Variants in KIAA1328 observed in about 807,000 individuals in gnomAD.
KIAA1328 encodes KIAA1328, also known as protein hinderin.
KIAA1328 carries 52 observed loss-of-function variants against 68.1 expected under a neutral mutation model. That is an observed-to-expected ratio of 0.76 (90% CI 0.61 to 0.96). KIAA1328 has a LOEUF of 0.96. Ranked by LOEUF, KIAA1328 falls within the 40% of genes least tolerant of loss-of-function variation. The probability of loss-of-function intolerance (pLI) is 0.00; values close to 1 mark genes in which losing one functional copy is unlikely to be tolerated. For missense variants in KIAA1328, 641 were observed against 677.6 expected (o/e 0.95, Z 0.60); for synonymous variants, 232 against 239.4 (o/e 0.97, Z 0.28).
chr18:37,219,039 G>A (rs576970702), intron 9 of KIAA1328, among the ~76,000 whole-genome samples: 22 of 152,296 alleles, frequency 1.4e-4, no homozygotes, highest in African/African-American at 5.1e-4. Context: ...ATTCCTTTCT[G>A]TTTGTTAGTT....
Position 36,838,660 on chromosome 18 carries a change from A to G in KIAA1328, c.237+3284A>G, listed in dbSNP as rs1469729804. 2.0e-5 allele frequency among the ~76,000 whole-genome samples: 3 copies of G among 151,978 alleles called. No homozygotes were observed. In the East Asian group the frequency reaches 5.8e-4, roughly 29 times the overall value. On this transcript the variant is annotated intron_variant, in intron 3 of 9. Coordinates refer to ENST00000280020, the MANE Select transcript of KIAA1328 (RefSeq NM_020776.3). ...TATTCCTCCTTATTTTTCTGTGTGT[A>G]TGTGTTTAAATATGGCTGCTTTTAA... is the stretch of plus-strand genomic sequence containing the variant.
chr18:37,021,675 C>G (rs532710631), intron 6 of KIAA1328, among the ~76,000 whole-genome samples: 17 of 152,244 alleles, frequency 1.1e-4, no homozygotes, highest in African/African-American at 3.9e-4. Flanking sequence ...GGGGTCTCCT[C>G]TCTTGGCTTT....
At chr18:36,921,516 G>A (rs971855871) in intron 5 of KIAA1328, among the ~76,000 whole-genome samples, 2 of 152,018 alleles carry the variant, frequency 1.3e-5, no homozygotes, top group Non-Finnish European at 2.9e-5. Context: ...CCATTCCTCT[G>A]CCTCAGCCTC....
At chr18:36,837,108 T>G (rs1394186380) in intron 3 of KIAA1328, among the ~76,000 whole-genome samples, 2 of 152,196 alleles carry the variant, frequency 1.3e-5, no homozygotes, top group Non-Finnish European at 2.9e-5. Context: ...TTCTCTTGTG[T>G]ATATACCTAT....
intron 9 of KIAA1328, 39 bp downstream of exon 9, chr18:37,173,120 T>C: frequency 7.1e-7 from 1 of 1,410,008 alleles, no homozygotes. Context: ...ATATTCTCCC[T>C]ATGAGAGCAT....
chr18:37,042,387 C>T (rs1164731563), intron 6 of KIAA1328, among the ~76,000 whole-genome samples: 1 of 152,172 alleles, frequency 6.6e-6, no homozygotes, highest in East Asian at 1.9e-4. Context: ...TTCAGCATTT[C>T]TTATAAAGGC....
intron 5 of KIAA1328, among the ~76,000 whole-genome samples, chr18:36,886,753 G>A (rs2150986411): frequency 6.6e-6 from 1 of 152,262 alleles, no homozygotes; most frequent in South Asian, 2.1e-4. Context: ...TTTATTGGCG[G>A]TATCATCATT....
intron 7 of KIAA1328, among the ~76,000 whole-genome samples, chr18:37,092,445 C>T (rs1270086664): frequency 6.6e-6 from 1 of 151,968 alleles, no homozygotes; most frequent in Non-Finnish European, 1.5e-5. Context: ...CTGCTTGCAG[C>T]TGATGGCACT....
intron 4 of KIAA1328, among the ~76,000 whole-genome samples, chr18:36,883,419 G>A (rs552319442): frequency 4.6e-5 from 7 of 152,268 alleles, no homozygotes; most frequent in African/African-American, 1.2e-4. Flanking sequence ...CTGTGATAGA[G>A]CATTTTTGAG....
intron 7 of KIAA1328, among the ~76,000 whole-genome samples, chr18:37,099,112 G>A (rs1247215042): frequency 1.3e-5 from 2 of 152,072 alleles, no homozygotes; most frequent in Admixed American, 1.3e-4. Flanking sequence ...CTTGCCTTCT[G>A]CTAGCTTTTG....
At chr18:37,218,690 G>A (rs2060496711) in intron 9 of KIAA1328, among the ~76,000 whole-genome samples, 1 of 152,156 alleles carries the variant, frequency 6.6e-6, no homozygotes, top group African/African-American at 2.4e-5. Flanking sequence ...TCTCTACACT[G>A]TTTATTCTAG....
intron 7 of KIAA1328, among the ~76,000 whole-genome samples, chr18:37,116,955 A>T (rs991767363): frequency 5.9e-5 from 9 of 152,214 alleles, no homozygotes; most frequent in Non-Finnish European, 4.4e-5. Flanking sequence ...TCAAAACCAC[A>T]ATGAAATACC....
intron 5 of KIAA1328, among the ~76,000 whole-genome samples, chr18:36,905,922 C>T (rs762379016): frequency 6.6e-6 from 1 of 152,102 alleles, no homozygotes; most frequent in Non-Finnish European, 1.5e-5. Context: ...CAGTGAGAAC[C>T]CTGCCTCCCA....
intron 4 of KIAA1328, among the ~76,000 whole-genome samples, chr18:36,879,480 TCA>T (rs140437273): frequency 0.042 from 6,452 of 152,284 alleles, 465 homozygotes; most frequent in African/African-American, 0.15. Context: ...GAGGTGTCTC[TCA>T]GTCAGGAGGC....
chr18:36,879,572 C>T (rs2048260918), intron 4 of KIAA1328, among the ~76,000 whole-genome samples: 1 of 152,230 alleles, frequency 6.6e-6, no homozygotes. Flanking sequence ...GGGAGATCTG[C>T]TCCTCTCTTC....
rs1453911422 is a variant in KIAA1328 at position 36,834,176 on chromosome 18, T to C, written c.59-144T>C. ...CTAACTTTGTTTTTAATTCAATTAC[T>C]TTGCTTTCTAACTTTGTTTTTAAAA... On this transcript the variant is annotated intron_variant, in intron 1 of 9. Transcript: ENST00000280020. The C allele has an allele frequency of 1.8e-5, 22 of 1,190,182 alleles. No homozygotes were observed. In the East Asian group the frequency reaches 6.6e-4, roughly 36 times the overall value. The allele number at this position is 1,190,182 out of a possible 1,614,324, so 73.7% of individuals were successfully genotyped here.
chr18:37,172,083 T>C (rs1270897317), intron 8 of KIAA1328, among the ~76,000 whole-genome samples: 1 of 152,216 alleles, frequency 6.6e-6, no homozygotes, highest in African/African-American at 2.4e-5. Flanking sequence ...AAAGTTAGCA[T>C]ACTGCACTCC....
intron 5 of KIAA1328, among the ~76,000 whole-genome samples, chr18:36,912,795 T>A (rs2049509771): frequency 6.6e-6 from 1 of 152,226 alleles, no homozygotes; most frequent in Non-Finnish European, 1.5e-5. Context: ...GGTGAGAGTC[T>A]GAGAATGATC....
chr18:37,107,302 T>C (rs1479054187), intron 7 of KIAA1328, among the ~76,000 whole-genome samples: 1 of 152,214 alleles, frequency 6.6e-6, no homozygotes, highest in Non-Finnish European at 1.5e-5. Context: ...CCTTTCTGTA[T>C]TCATAATAGA....
Sources: allele counts gnomAD v4.1 joint callset (sites outside exome capture counted in the v4.1 genomes callset), GRCh38; gene constraint gnomAD v4.1.1; transcripts MANE v1.5; gene names NCBI Gene and HGNC (gene_info 2026-07-23, HGNC 2026-07-21).